Variants in KHDRBS3 observed in about 807,000 individuals in gnomAD.
KHDRBS3 encodes the protein KH domain-containing, RNA-binding, signal transduction-associated protein 3.
Under a neutral mutation model 45.6 loss-of-function variants are expected in KHDRBS3, and 23 were observed. The ratio of observed to expected loss-of-function variants is 0.50; its 90% CI spans 0.36 to 0.72. KHDRBS3 has a LOEUF of 0.72. Ranked by LOEUF, KHDRBS3 falls within the 30% of genes least tolerant of loss-of-function variation. KHDRBS3 has a pLI of 0.00. For missense variants in KHDRBS3, 352 were observed against 424.8 expected (o/e 0.83, Z 1.51); for synonymous variants, 162 against 156.5 (o/e 1.04, Z -0.26).
chr8:135,512,448 CTA>C (rs1309965386), intron 1 of KHDRBS3, among the ~76,000 whole-genome samples: 1 of 130,134 alleles, frequency 7.7e-6, no homozygotes, highest in East Asian at 2.4e-4. Context: ...GGTAATAACT[CTA>C]TTGATCTTAT....
intron 6 of KHDRBS3, among the ~76,000 whole-genome samples, chr8:135,605,088 T>C (rs1829397099): frequency 1.3e-5 from 2 of 152,092 alleles, no homozygotes; most frequent in Non-Finnish European, 2.9e-5. Context: ...TTCAGCAGTT[T>C]GACAATAACC....
chr8:135,539,968 C>A (rs1825964687), intron 2 of KHDRBS3: 1 of 152,132 alleles, frequency 6.6e-6, no homozygotes. Context: ...CTATGGACTT[C>A]AGATTCTTCT....
At chr8:135,561,767 G>A (rs1242452677) in intron 5 of KHDRBS3, among the ~76,000 whole-genome samples, 2 of 152,084 alleles carry the variant, frequency 1.3e-5, no homozygotes, top group Non-Finnish European at 2.9e-5. Context: ...GCCTAGTGAC[G>A]ATGATGATCT....
At chr8:135,611,245 C>T (rs1195279188) in intron 7 of KHDRBS3, among the ~76,000 whole-genome samples, 2 of 151,844 alleles carry the variant, frequency 1.3e-5, no homozygotes, top group Admixed American at 1.3e-4. Context: ...ATTTAATCCT[C>T]ATAACATGTC....
intron 1 of KHDRBS3, among the ~76,000 whole-genome samples, chr8:135,486,271 T>C (rs1344299583): frequency 1.3e-5 from 2 of 152,246 alleles, no homozygotes; most frequent in African/African-American, 2.4e-5. Flanking sequence ...AGGGTTTTTG[T>C]ATTACTCACT....
At chr8:135,506,332 C>G (rs1381038210) in intron 1 of KHDRBS3, among the ~76,000 whole-genome samples, 5 of 151,902 alleles carry the variant, frequency 3.3e-5, no homozygotes. Context: ...GTGTGTAACT[C>G]TCAGGGTTGA....
chr8:135,458,026 C>G, intron 1 of KHDRBS3, 72 bp downstream of exon 1: 1 of 1,474,948 alleles, frequency 6.8e-7, no homozygotes, highest in Non-Finnish European at 9.0e-7. Flanking sequence ...GCCCAGGGGG[C>G]CCCTCCGTGC....
intron 1 of KHDRBS3, among the ~76,000 whole-genome samples, chr8:135,463,530 A>T (rs1821537872): frequency 2.0e-5 from 3 of 152,164 alleles, no homozygotes; most frequent in Admixed American, 2.0e-4. Context: ...TTTGAATCAG[A>T]TGTTTATTTA....
Position 135,557,506 on chromosome 8 carries a change from G to A in KHDRBS3, c.530G>A (p.Gly177Asp). The stretch of plus-strand genomic sequence containing the variant: ...CAGGAGTTAACATATTTGAATGGTG[G>A]TTCAGAAAATGCAGATGTTCCAGTG... ...QLQELTYLNGGSENADVPVVR... is the reference protein window; with the variant it reads ...QLQELTYLNGDSENADVPVVR... Residue 177 changes from glycine (G) to aspartate (D), a missense_variant, in exon 5 of 9, where the codon GGT (glycine) becomes GAT (aspartate). Physicochemically the swap from Gly to Asp is moderately conservative, Grantham distance 94 (BLOSUM62 -1). This residue lies in a region of KHDRBS3 where 12 missense variants were observed against 38.0 expected (regional missense o/e 0.32). Transcript: ENST00000355849. 6.2e-7 allele frequency: 1 copy of A among 1,609,440 alleles called. No individual in the cohort carries two copies. The highest frequency in any genetic ancestry group is 8.5e-7 in the Non-Finnish European group (1 of 1,175,732).
intron 5 of KHDRBS3, among the ~76,000 whole-genome samples, chr8:135,568,585 A>G (rs1827543622): frequency 1.3e-5 from 2 of 152,206 alleles, no homozygotes; most frequent in Admixed American, 1.3e-4. Context: ...AAGAAGCCCA[A>G]AAGAAACTCT....
At chr8:135,548,942 T>C in intron 4 of KHDRBS3, 42 bp downstream of exon 4, 1 of 1,419,030 alleles carries the variant, frequency 7.0e-7, no homozygotes, top group Non-Finnish European at 9.6e-7. Flanking sequence ...TACTTTAAAG[T>C]CTTTGCTTTA....
intron 2 of KHDRBS3, among the ~76,000 whole-genome samples, chr8:135,525,633 A>T (rs975392352): frequency 1.3e-5 from 2 of 152,194 alleles, no homozygotes; most frequent in Non-Finnish European, 2.9e-5. Context: ...TGCAGAACTC[A>T]GGGGAATATA....
At chr8:135,584,197 C>G (rs1474952064) in intron 6 of KHDRBS3, among the ~76,000 whole-genome samples, 1 of 152,212 alleles carries the variant, frequency 6.6e-6, no homozygotes, top group Non-Finnish European at 1.5e-5. Flanking sequence ...GCTGTGATTT[C>G]AACACAGAGC....
At chr8:135,563,056 A>G (rs1827242273) in intron 5 of KHDRBS3, among the ~76,000 whole-genome samples, 1 of 152,118 alleles carries the variant, frequency 6.6e-6, no homozygotes, top group African/African-American at 2.4e-5. Context: ...AGTCTAATCC[A>G]CACTACTCTT....
chr8:135,577,811 A>T (rs1384274382), intron 5 of KHDRBS3, among the ~76,000 whole-genome samples: 1 of 152,250 alleles, frequency 6.6e-6, no homozygotes. Flanking sequence ...TTTGCAAGAA[A>T]TTGCCAAACT....
rs187215591 is a variant in KHDRBS3 at position 135,553,195 on chromosome 8, G to A, written c.472-4253G>A. ...GATGGCAATACTAGGTGCATCCTTA[G>A]GCAAGCAGGCCAGACTCTCATATTT... On this transcript the variant is annotated intron_variant, in intron 4 of 8. Coordinates refer to ENST00000355849, the MANE Select transcript of KHDRBS3 (RefSeq NM_006558.3). Among the ~76,000 whole-genome samples the A allele has an allele frequency of 1.6e-4, 24 of 152,196 alleles. No individual in the cohort carries two copies. The East Asian group carries it at 2.9e-3, about 18-fold the overall frequency.
intron 2 of KHDRBS3, among the ~76,000 whole-genome samples, chr8:135,532,593 A>G (rs896212132): frequency 1.2e-4 from 19 of 152,148 alleles, no homozygotes; most frequent in African/African-American, 4.6e-4. Context: ...TGTGCGAGGC[A>G]TTATTCTAAG....
chr8:135,496,675 A>G (rs1320868216), intron 1 of KHDRBS3, among the ~76,000 whole-genome samples: 2 of 152,172 alleles, frequency 1.3e-5, no homozygotes, highest in Admixed American at 6.5e-5. Flanking sequence ...GTCCTGATGT[A>G]TATATTTTAT....
At chr8:135,489,007 G>A (rs1437488677) in intron 1 of KHDRBS3, among the ~76,000 whole-genome samples, 1 of 152,110 alleles carries the variant, frequency 6.6e-6, no homozygotes, top group Admixed American at 6.6e-5. Flanking sequence ...AAAAATAAAG[G>A]AACTATTGTG....
Sources: allele counts gnomAD v4.1 joint callset (sites outside exome capture counted in the v4.1 genomes callset), GRCh38; gene constraint gnomAD v4.1.1; regional missense constraint gnomAD v4.1.1; transcripts MANE v1.5; gene names NCBI Gene and HGNC (gene_info 2026-07-23, HGNC 2026-07-21).